TGFBR3: variants seen among roughly 807,000 people sequenced by gnomAD.
TGFBR3 encodes transforming growth factor beta receptor type 3.
In TGFBR3, 46 loss-of-function variants were observed where a neutral mutation model predicts 87.9. The observed-to-expected ratio is 0.52, with a 90% CI of 0.41 to 0.67. The LOEUF is 0.67. TGFBR3 is among the 30% of genes least tolerant of loss of function. The pLI, the probability that TGFBR3 is intolerant of heterozygous loss-of-function variation, is 0.00. For missense variants in TGFBR3, 866 were observed against 1,041.9 expected, an observed-to-expected ratio of 0.83 and a Z score of 2.32; for synonymous variants, 381 against 391.6, an observed-to-expected ratio of 0.97 and a Z score of 0.32.
intron 2 of TGFBR3, among the ~76,000 whole-genome samples, chr1:91,844,278 CA>C (rs17882858): frequency 1.4e-3 from 208 of 152,302 alleles, no homozygotes; most frequent in African/African-American, 4.8e-3. Flanking sequence ...CCAGGAAAGT[CA>C]GAGGGAGTAT....
At chr1:91,874,557 G>C (rs1157309971) in intron 1 of TGFBR3, among the ~76,000 whole-genome samples, 1 of 152,176 alleles carries the variant, frequency 6.6e-6, no homozygotes, top group Admixed American at 6.5e-5. Context: ...GAGTGCAGTG[G>C]TGCAATCTCA....
chr1:91,817,229 A>C (rs1176225140), intron 2 of TGFBR3, among the ~76,000 whole-genome samples: 1 of 152,230 alleles, frequency 6.6e-6, no homozygotes, highest in Non-Finnish European at 1.5e-5. Context: ...ATATTTTTAT[A>C]AACAAAGCAT....
intron 2 of TGFBR3, among the ~76,000 whole-genome samples, chr1:91,836,401 G>A (rs1217304557): frequency 6.8e-6 from 1 of 146,120 alleles, no homozygotes; most frequent in South Asian, 2.2e-4. Flanking sequence ...CCAGGGAGAT[G>A]GATATTATCT....
chr1:91,877,325 T>G (rs1005387731), intron 1 of TGFBR3, among the ~76,000 whole-genome samples: 2 of 152,128 alleles, frequency 1.3e-5, no homozygotes, highest in Non-Finnish European at 2.9e-5. Flanking sequence ...ATTTTCTTTT[T>G]TTGTGTGTGT....
rs146813343 is a variant in TGFBR3 at position 91,813,819 on chromosome 1, G to C, written c.62-16348C>G. Among the ~76,000 whole-genome samples the C allele has an allele frequency of 4.6e-5, 7 of 152,290 alleles. No individual in the cohort carries two copies. The East Asian group carries it at 1.4e-3, about 29-fold the overall frequency. On this transcript the variant is annotated intron_variant, in intron 2 of 16. Coordinates refer to ENST00000212355, the MANE Select transcript of TGFBR3 (RefSeq NM_003243.5). ...ATGGAAGACAGTTTTTCCACAGACC[G>C]AGGAGGAGAGGATGGTTTTGGGATG... is the stretch of plus-strand genomic sequence containing the variant.
intron 2 of TGFBR3, among the ~76,000 whole-genome samples, chr1:91,860,931 C>T (rs866245060): frequency 7.5e-5 from 4 of 53,274 alleles, no homozygotes; most frequent in Non-Finnish European, 1.0e-4. Flanking sequence ...GACTCTGTCT[C>T]CACAAAAAAA....
At chr1:91,768,545 T>C (rs1004883009) in intron 3 of TGFBR3, among the ~76,000 whole-genome samples, 1 of 152,194 alleles carries the variant, frequency 6.6e-6, no homozygotes, top group Non-Finnish European at 1.5e-5. Flanking sequence ...GACTGCATTA[T>C]AGGGGTAGTT....
chr1:91,766,285 C>G (rs1024909283), intron 3 of TGFBR3: 2 of 151,672 alleles, frequency 1.3e-5, no homozygotes, highest in African/African-American at 2.4e-5. Context: ...ATCCTCCCAC[C>G]TCAGCCTCTC....
intron 3 of TGFBR3, among the ~76,000 whole-genome samples, chr1:91,780,932 C>CACACACAG (rs1255658793): frequency 3.1e-5 from 4 of 130,754 alleles, no homozygotes; most frequent in African/African-American, 1.1e-4. Flanking sequence ...CACACACACA[C>CACACACAG]AGAGATCTCA....
intron 16 of TGFBR3, among the ~76,000 whole-genome samples, chr1:91,687,287 G>A (rs969074049): frequency 1.3e-5 from 2 of 152,196 alleles, no homozygotes; most frequent in Non-Finnish European, 2.9e-5. Context: ...CCTGTGAAGA[G>A]CCTCTGCACT....
Position 91,699,431 on chromosome 1 carries a change from C to CTTTTTTTTTTT in TGFBR3, c.2288-1312_2288-1302dup, listed in dbSNP as rs60223260. Among the ~76,000 whole-genome samples, 335 of 80,836 alleles carry CTTTTTTTTTTT rather than the reference C, an allele frequency of 4.1e-3. 3 individuals carry two copies. The highest frequency in any genetic ancestry group is 4.7e-3 in the Non-Finnish European group (219 of 46,662). The allele number at this position is 80,836 out of a possible 152,430, so 53.0% of individuals were successfully genotyped here. A position where few individuals can be genotyped will look rare whatever the true frequency, so the allele number is the denominator to read the frequency against. On this transcript the variant is annotated intron_variant, in intron 14 of 16. Coordinates refer to ENST00000212355, the MANE Select transcript of TGFBR3 (RefSeq NM_003243.5). ...TCTCTCTCTTTTTCTCTTTCTTTTG[C>CTTTTTTTTTTT]TTTTTTTTTTTTTTTTTTTTTTTGC...
chr1:91,708,786 G>T lies in TGFBR3; in HGVS notation c.2167-3C>A. 1 of 1,613,716 alleles carries T rather than the reference G, an allele frequency of 6.2e-7. No homozygotes were observed. The highest frequency in any genetic ancestry group is 8.5e-7 in the Non-Finnish European group (1 of 1,179,910). ...CAGGCTTCGTCAGGAGGCACACACTGCAGACAGGCAGAACAAAGCACAGAA... is the reference window on the plus strand; with the variant it reads ...CAGGCTTCGTCAGGAGGCACACACTTCAGACAGGCAGAACAAAGCACAGAA... On this transcript the variant is annotated splice_region_variant and splice_polypyrimidine_tract_variant and intron_variant, in intron 13 of 16. Coordinates refer to ENST00000212355, the MANE Select transcript of TGFBR3 (RefSeq NM_003243.5).
chr1:91,861,608 G>A lies in TGFBR3; in HGVS notation c.-77C>T, dbSNP rs924036727. 1 of 1,207,738 alleles carries A rather than the reference G, an allele frequency of 8.3e-7. No individual in the cohort carries two copies. Among genetic ancestry groups the A allele is most frequent in the African/African-American group, 1.5e-5 (1 of 66,924 alleles). The allele number at this position is 1,207,738 out of a possible 1,614,324, so 74.8% of individuals were successfully genotyped here. ...CACAGACAATCTTTGCAAATCAGAA[G>A]TAGTCTTAAAGTCCCTCCTTGCAAT... On this transcript the variant is annotated 5_prime_UTR_variant, in exon 2 of 17. Transcript: ENST00000212355.
chr1:91,717,273 T>A (rs2100774013), intron 10 of TGFBR3, among the ~76,000 whole-genome samples: 1 of 152,356 alleles, frequency 6.6e-6, no homozygotes, highest in Admixed American at 6.5e-5. Flanking sequence ...GCGAAGGACC[T>A]AATGTTTACT....
chr1:91,700,020 A>C (rs1423492877), intron 14 of TGFBR3, among the ~76,000 whole-genome samples: 1 of 152,234 alleles, frequency 6.6e-6, no homozygotes, highest in Non-Finnish European at 1.5e-5. Context: ...AATTATATGA[A>C]ATTCAAATTG....
chr1:91,704,292 C>T (rs1671716262), intron 14 of TGFBR3, among the ~76,000 whole-genome samples: 1 of 147,686 alleles, frequency 6.8e-6, no homozygotes, highest in Admixed American at 6.8e-5. Flanking sequence ...TGCGCCACTG[C>T]ACTCCAGTCT....
At chr1:91,685,968 T>A (rs1455506449) in intron 16 of TGFBR3, among the ~76,000 whole-genome samples, 1 of 152,252 alleles carries the variant, frequency 6.6e-6, no homozygotes. Context: ...AACCACATTT[T>A]AAAAATATTT....
chr1:91,714,254 C>T (rs977403447), intron 12 of TGFBR3, among the ~76,000 whole-genome samples: 1 of 151,988 alleles, frequency 6.6e-6, no homozygotes, highest in Non-Finnish European at 1.5e-5. Context: ...GTAAAAGTTA[C>T]ATGCAAACAA....
At chr1:91,757,718 C>T (rs1361912220) in intron 4 of TGFBR3, among the ~76,000 whole-genome samples, 2 of 152,034 alleles carry the variant, frequency 1.3e-5, no homozygotes, top group African/African-American at 4.8e-5. Flanking sequence ...TCAACAAGAA[C>T]CTTTGAGTTT....
Sources: allele counts gnomAD v4.1 joint callset (sites outside exome capture counted in the v4.1 genomes callset), GRCh38; gene constraint gnomAD v4.1.1; transcripts MANE v1.5; gene names NCBI Gene and HGNC (gene_info 2026-07-23, HGNC 2026-07-21).